The following MDGA2 variants were observed in gnomAD, a reference collection of about 807,000 sequenced individuals.
The protein encoded by MDGA2 is MAM domain containing glycosylphosphatidylinositol anchor 2, also known as MAM domain-containing glycosylphosphatidylinositol anchor protein 2.
A neutral mutation model predicts 117.8 loss-of-function variants in MDGA2; 40 were observed. The observed-to-expected ratio is 0.34, with a 90% CI of 0.26 to 0.44. The LOEUF (loss-of-function observed/expected upper bound fraction) is 0.44, where lower values mean the gene tolerates loss of function less well. MDGA2 is among the 20% of genes least tolerant of loss of function. The pLI is 1.00. For synonymous variants in MDGA2, 452 were observed against 439.0 expected, an observed-to-expected ratio of 1.03 and a Z score of -0.37; for missense variants, 1,123 against 1,250.6, an observed-to-expected ratio of 0.90 and a Z score of 1.54.
chr14:47,276,389 T>G (rs1372428774), intron 2 of MDGA2, among the ~76,000 whole-genome samples: 1 of 152,288 alleles, frequency 6.6e-6, no homozygotes, highest in Non-Finnish European at 1.5e-5. Flanking sequence ...CTTGTGCAAA[T>G]ACCTTATTCT....
chr14:47,172,850 CGAGCTACA>C (rs1314842776), intron 3 of MDGA2, among the ~76,000 whole-genome samples: 1 of 152,058 alleles, frequency 6.6e-6, no homozygotes, highest in East Asian at 1.9e-4. Context: ...CAAACTACTC[CGAGCTACA>C]GGAGGAAATT....
At chr14:47,171,584 A>C (rs935940735) in intron 3 of MDGA2, among the ~76,000 whole-genome samples, 5 of 152,160 alleles carry the variant, frequency 3.3e-5, no homozygotes, top group African/African-American at 7.2e-5. Flanking sequence ...CTTTCCTGAA[A>C]ATATACATTT....
At chr14:47,038,563 A>G (rs1287538136) in intron 7 of MDGA2, among the ~76,000 whole-genome samples, 2 of 152,136 alleles carry the variant, frequency 1.3e-5, no homozygotes, top group African/African-American at 2.4e-5. Flanking sequence ...TTTAATCTCA[A>G]TAACATAAAA....
At chr14:46,895,243 C>T (rs1566512182) in intron 10 of MDGA2, among the ~76,000 whole-genome samples, 3 of 151,986 alleles carry the variant, frequency 2.0e-5, no homozygotes, top group Non-Finnish European at 4.4e-5. Flanking sequence ...CTGCTGTTCT[C>T]GTGATAGTGA....
chr14:47,275,352 A>G lies in MDGA2; in HGVS notation c.420+26059T>C, dbSNP rs755576443. Among the ~76,000 whole-genome samples the G allele has an allele frequency of 3.5e-4, 53 of 152,184 alleles. 1 individual carries two copies. The highest frequency in any genetic ancestry group is 7.5e-4 in the Non-Finnish European group (51 of 68,032). On this transcript the variant is annotated intron_variant, in intron 2 of 16. Coordinates refer to ENST00000399232, the MANE Select transcript of MDGA2 (RefSeq NM_001113498.3). Reference sequence around the variant, plus strand: ...TTCTAATGTACGATGTGGTTCCCAGATGGATATTATTCACACTATGCTATT... The same window carrying G: ...TTCTAATGTACGATGTGGTTCCCAGGTGGATATTATTCACACTATGCTATT...
chr14:47,398,757 T>C (rs1469241713), intron 1 of MDGA2, among the ~76,000 whole-genome samples: 2 of 152,206 alleles, frequency 1.3e-5, no homozygotes, highest in African/African-American at 4.8e-5. Context: ...ACAAACTTCA[T>C]CTTTTCAGTT....
intron 3 of MDGA2, among the ~76,000 whole-genome samples, chr14:47,173,538 C>A (rs1359048257): frequency 1.3e-5 from 2 of 152,128 alleles, no homozygotes; most frequent in South Asian, 2.1e-4. Context: ...AATTTCATAT[C>A]CAGCCACACT....
chr14:47,321,785 C>T (rs1889987524), intron 1 of MDGA2, among the ~76,000 whole-genome samples: 1 of 152,174 alleles, frequency 6.6e-6, no homozygotes, highest in African/African-American at 2.4e-5. Flanking sequence ...TACTAAATTT[C>T]CATAAACTTT....
intron 6 of MDGA2, among the ~76,000 whole-genome samples, chr14:47,096,358 G>A (rs529736550): frequency 8.0e-4 from 122 of 151,900 alleles, no homozygotes; most frequent in Non-Finnish European, 1.2e-3. Context: ...TATGACTATT[G>A]ATATATATTA....
intron 9 of MDGA2, among the ~76,000 whole-genome samples, chr14:46,933,935 A>G (rs28399814): frequency 0.65 from 95,746 of 147,552 alleles, 31,953 homozygotes; most frequent in African/African-American, 0.81. Flanking sequence ...CCTTGACTCT[A>G]AAATCCTGGA....
chr14:47,540,540 G>GTGTATGTGTATA, intron 1 of MDGA2, among the ~76,000 whole-genome samples: 1 of 79,184 alleles, frequency 1.3e-5, no homozygotes, highest in African/African-American at 3.9e-5. Flanking sequence ...GTGTGTGTGT[G>GTGTATGTGTATA]TATATATATA....
intron 2 of MDGA2, among the ~76,000 whole-genome samples, chr14:47,287,761 T>C (rs929069192): frequency 1.3e-5 from 2 of 152,152 alleles, no homozygotes; most frequent in African/African-American, 2.4e-5. Flanking sequence ...CAACGTGATG[T>C]TACTCGGAAA....
At chr14:46,988,814 T>C (rs1886966026) in intron 8 of MDGA2, among the ~76,000 whole-genome samples, 1 of 152,044 alleles carries the variant, frequency 6.6e-6, no homozygotes, top group South Asian at 2.1e-4. Context: ...ATAGATTCTT[T>C]GAGAAGAGTA....
chr14:47,671,681 C>T (rs1898078527), intron 1 of MDGA2, among the ~76,000 whole-genome samples: 1 of 152,122 alleles, frequency 6.6e-6, no homozygotes, highest in African/African-American at 2.4e-5. Context: ...TTTATGCTAG[C>T]AAAGTTCCTG....
At chr14:47,145,638 C>T (rs1404175591) in intron 3 of MDGA2, among the ~76,000 whole-genome samples, 1 of 152,054 alleles carries the variant, frequency 6.6e-6, no homozygotes, top group Non-Finnish European at 1.5e-5. Flanking sequence ...GGTTACTTAA[C>T]TTTGGGGTCT....
At chr14:47,158,919 G>T (rs1883519437) in intron 3 of MDGA2, among the ~76,000 whole-genome samples, 1 of 152,176 alleles carries the variant, frequency 6.6e-6, no homozygotes, top group African/African-American at 2.4e-5. Context: ...AAATGCATAT[G>T]AGTAGGTGAA....
chr14:47,178,467 T>C (rs1884566713), intron 3 of MDGA2, among the ~76,000 whole-genome samples: 1 of 152,334 alleles, frequency 6.6e-6, no homozygotes, highest in East Asian at 1.9e-4. Flanking sequence ...CTTTGGGCTC[T>C]TGGAGATACA....
intron 3 of MDGA2, among the ~76,000 whole-genome samples, chr14:47,148,918 G>A (rs1377469615): frequency 6.6e-6 from 1 of 152,114 alleles, no homozygotes; most frequent in East Asian, 1.9e-4. Flanking sequence ...CCCTAGAGAT[G>A]CTGTGTTCTG....
chr14:47,189,904 A>C (rs940995659), intron 3 of MDGA2, among the ~76,000 whole-genome samples: 10 of 152,184 alleles, frequency 6.6e-5, no homozygotes, highest in African/African-American at 2.2e-4. Flanking sequence ...TCATGTAGCA[A>C]TAAAAAGAAA....
Sources: allele counts gnomAD v4.1 joint callset (sites outside exome capture counted in the v4.1 genomes callset), GRCh38; gene constraint gnomAD v4.1.1; transcripts MANE v1.5; gene names NCBI Gene and HGNC (gene_info 2026-07-23, HGNC 2026-07-21).